Variants in ARMH1 observed in about 807,000 individuals in gnomAD.
ARMH1 encodes armadillo-like helical domain containing protein 1.
Under a neutral mutation model 50.2 loss-of-function variants are expected in ARMH1, and 34 were observed. That is an observed-to-expected ratio of 0.68 (90% CI 0.51 to 0.90). The LOEUF (loss-of-function observed/expected upper bound fraction) is 0.90. ARMH1 is among the 40% of genes least tolerant of loss of function. The pLI, the probability that ARMH1 is intolerant of heterozygous loss-of-function variation, is 0.00. For missense variants in ARMH1, 538 were observed against 553.9 expected, an observed-to-expected ratio of 0.97 and a Z score of 0.29; for synonymous variants, 221 against 224.2, an observed-to-expected ratio of 0.99 and a Z score of 0.13.
intron 6 of ARMH1, among the ~76,000 whole-genome samples, chr1:44,715,761 T>C (rs965782401): frequency 6.6e-6 from 1 of 152,200 alleles, no homozygotes; most frequent in Non-Finnish European, 1.5e-5. Context: ...GGTTTCACAA[T>C]GTTGGCCAGG....
rs925443897 is a variant in ARMH1, at chr1:44,725,109, C to T, written c.1129-27C>T. 5.8e-6 allele frequency: 9 copies of T among 1,551,496 alleles called. No individual in the cohort carries two copies. In the African/African-American group the frequency reaches 1.1e-4, roughly 19 times the overall value. ...AGTCCAGACTGCCCTGGCACCCCAG[C>T]CGGGTCCCCCTTGCTCCTGTCCTCA... On this transcript the variant is annotated intron_variant, in intron 10 of 11. Coordinates refer to ENST00000535358, the MANE Select transcript of ARMH1 (RefSeq NM_001145636.2).
chr1:44,683,828 A>T lies in ARMH1; in HGVS notation c.-22-5848A>T, dbSNP rs1645384599. 2.0e-5 allele frequency among the ~76,000 whole-genome samples: 3 copies of T among 152,200 alleles called. No individual in the cohort carries two copies. Among genetic ancestry groups the T allele is most frequent in the Admixed American group, 6.5e-5 (1 of 15,280 alleles). ...CTTCATCTGAAAGTTGTGGATAATGATGACCTCCTGAGGATCTTAAGAGGA... is the reference window on the plus strand; with the variant it reads ...CTTCATCTGAAAGTTGTGGATAATGTTGACCTCCTGAGGATCTTAAGAGGA... On this transcript the variant is annotated intron_variant, in intron 1 of 11. Transcript: ENST00000535358. This position sits in a 1 kb window ranked among gnomAD's most constrained non-coding sequence, Gnocchi z 4.2.
chr1:44,721,738 A>C (rs914911490), intron 6 of ARMH1: 1 of 152,026 alleles, frequency 6.6e-6, no homozygotes, highest in African/African-American at 2.4e-5. Context: ...AACCTCCCAA[A>C]GCATGAAACA....
At chr1:44,704,220 A>G (rs2148679653) in intron 6 of ARMH1, 47 bp downstream of exon 6, 1 of 1,377,042 alleles carries the variant, frequency 7.3e-7, no homozygotes, top group South Asian at 1.2e-5. Context: ...AGCCAGACAT[A>G]TCAGCTCTCA....
chr1:44,695,868 C>T (rs2148638878), intron 2 of ARMH1, among the ~76,000 whole-genome samples: 1 of 151,702 alleles, frequency 6.6e-6, no homozygotes, highest in East Asian at 1.9e-4. Context: ...TTGCTTGAGC[C>T]CAGGAGTTCA....
At position 44,682,752 on chromosome 1, in the gene ARMH1, C is replaced by A. The variant is rs1645352692; in HGVS notation, c.-22-6924C>A. 6.6e-6 allele frequency among the ~76,000 whole-genome samples: 1 copy of A among 151,858 alleles called. No homozygotes were observed. Among genetic ancestry groups the A allele is most frequent in the South Asian group, 2.1e-4 (1 of 4,808 alleles). On this transcript the variant is annotated intron_variant, in intron 1 of 11. Coordinates refer to ENST00000535358, the MANE Select transcript of ARMH1 (RefSeq NM_001145636.2). The surrounding 1 kb of genome is among the most constrained non-coding windows in gnomAD (Gnocchi z 4.5). ...ACCAGCCTGGGCAACGAAGCAAGAC[C>A]CCACCTCTACAAAAAATAAACAAAT...
At chr1:44,705,895 G>A (rs1646322982) in intron 6 of ARMH1, among the ~76,000 whole-genome samples, 1 of 152,192 alleles carries the variant, frequency 6.6e-6, no homozygotes, top group African/African-American at 2.4e-5. Flanking sequence ...GTCGAAAGGA[G>A]GAGAGGAGTT....
chr1:44,680,231 C>T (rs1341541831), intron 1 of ARMH1, among the ~76,000 whole-genome samples: 1 of 152,178 alleles, frequency 6.6e-6, no homozygotes, highest in African/African-American at 2.4e-5. Context: ...GGCTGGAGTT[C>T]AGTGGCACGG....
intron 1 of ARMH1, among the ~76,000 whole-genome samples, chr1:44,687,712 C>G (rs1030649252): frequency 1.3e-5 from 2 of 152,172 alleles, no homozygotes; most frequent in East Asian, 3.8e-4. Flanking sequence ...TCCCACGGTA[C>G]CTTATACAGA....
chr1:44,725,591 C>A lies in ARMH1; in HGVS notation c.*188C>A. 1.6e-6 allele frequency: 1 copy of A among 626,394 alleles called. No homozygotes were observed. Among genetic ancestry groups the A allele is most frequent in the Non-Finnish European group, 2.8e-6 (1 of 352,746 alleles). The allele number at this position is 626,394 out of a possible 1,614,324, so 38.8% of individuals were successfully genotyped here. On this transcript the variant is annotated 3_prime_UTR_variant, in exon 12 of 12. Coordinates refer to ENST00000535358, the MANE Select transcript of ARMH1 (RefSeq NM_001145636.2). ...GTCAATAAACAGCCTTGATACCTGTCTGTTCTTTGTGTGTGTGGAGGGGGA... is the reference window on the plus strand; with the variant it reads ...GTCAATAAACAGCCTTGATACCTGTATGTTCTTTGTGTGTGTGGAGGGGGA...
intron 1 of ARMH1, among the ~76,000 whole-genome samples, chr1:44,679,514 G>A (rs971214125): frequency 1.3e-5 from 2 of 152,190 alleles, no homozygotes; most frequent in Non-Finnish European, 1.5e-5. Context: ...CTTCTTGAAT[G>A]CCATTTGGCT....
intron 1 of ARMH1, among the ~76,000 whole-genome samples, chr1:44,685,932 G>A (rs1308550282): frequency 3.3e-5 from 5 of 151,992 alleles, no homozygotes; most frequent in Non-Finnish European, 7.4e-5. Flanking sequence ...GGCCCAGATA[G>A]CTTATTTCTA....
intron 4 of ARMH1, among the ~76,000 whole-genome samples, chr1:44,699,453 A>AT (rs1557534222): frequency 6.6e-6 from 1 of 151,876 alleles, no homozygotes; most frequent in East Asian, 1.9e-4. Context: ...TATAGTTTTT[A>AT]TTTTTTTCTT....
Position 44,724,921 on chromosome 1 carries a change from T to C in ARMH1, c.1128+82T>C. On this transcript the variant is annotated intron_variant, in intron 10 of 11. Transcript: ENST00000535358. The surrounding 1 kb of genome is among the most constrained non-coding windows in gnomAD (Gnocchi z 6.4). Reference sequence around the variant, plus strand: ...ATGCCCCTTCAGACAGTCCCCATCCTGGAGCGCGCCACATGCAGAGTGGAC... The same window carrying C: ...ATGCCCCTTCAGACAGTCCCCATCCCGGAGCGCGCCACATGCAGAGTGGAC... 2.0e-6 allele frequency: 3 copies of C among 1,507,080 alleles called. No homozygotes were observed. Among genetic ancestry groups the C allele is most frequent in the East Asian group, 2.5e-5 (1 of 40,600 alleles). 93.4% of individuals were successfully genotyped at this position (1,507,080 alleles called of 1,614,324 possible). A position where few individuals can be genotyped will look rare whatever the true frequency, so the allele number is the denominator to read the frequency against.
chr1:44,686,679 AAATAAT>A (rs1263486198), intron 1 of ARMH1, among the ~76,000 whole-genome samples: 1 of 152,136 alleles, frequency 6.6e-6, no homozygotes, highest in Admixed American at 6.6e-5. Flanking sequence ...GCATCTCAAA[AAATAAT>A]AATAATAATG....
At chr1:44,721,874 T>C (rs553011240) in intron 6 of ARMH1, 7 of 152,294 alleles carry the variant, frequency 4.6e-5, no homozygotes, top group Admixed American at 3.3e-4. Context: ...GGCGAAAGAT[T>C]TATTCGTTAT....
At chr1:44,689,974 C>T in intron 2 of ARMH1, 71 bp downstream of exon 2, 1 of 1,364,708 alleles carries the variant, frequency 7.3e-7, no homozygotes, top group Non-Finnish European at 1.0e-6. Context: ...AATCCCAGCA[C>T]TTTGGGAGGC....
intron 2 of ARMH1, among the ~76,000 whole-genome samples, chr1:44,696,231 T>C (rs1228111829): frequency 6.6e-6 from 1 of 152,234 alleles, no homozygotes; most frequent in African/African-American, 2.4e-5. Flanking sequence ...TCTACTTCTA[T>C]TGGCATCCTG....
intron 6 of ARMH1, among the ~76,000 whole-genome samples, chr1:44,710,225 C>T (rs1013240838): frequency 3.3e-5 from 5 of 152,154 alleles, no homozygotes; most frequent in African/African-American, 7.2e-5. Context: ...GACTGGTGGT[C>T]GCAAGAACCT....
Sources: allele counts gnomAD v4.1 joint callset (sites outside exome capture counted in the v4.1 genomes callset), GRCh38; gene constraint gnomAD v4.1.1; non-coding constraint Gnocchi (gnomAD v3.1); transcripts MANE v1.5; gene names NCBI Gene and HGNC (gene_info 2026-07-23, HGNC 2026-07-21).